The following ELSPBP1 variants were observed in gnomAD, a reference collection of about 807,000 sequenced individuals.
ELSPBP1 encodes epididymal sperm binding protein 1, also known as epididymal sperm-binding protein 1.
Under a neutral mutation model 33.3 loss-of-function variants are expected in ELSPBP1, and 38 were observed. That is an observed-to-expected ratio of 1.14 (90% confidence interval 0.88 to 1.50). ELSPBP1 has a LOEUF of 1.50. ELSPBP1 is among the 40% of genes most tolerant of loss of function. The probability of loss-of-function intolerance (pLI) is 0.00; values close to 1 mark genes in which losing one functional copy is unlikely to be tolerated. For missense variants in ELSPBP1, 267 were observed against 263.5 expected (o/e 1.01, Z -0.09); for synonymous variants, 85 against 94.1 (o/e 0.90, Z 0.56).
chr19:48,023,387 AGGAGGGAGGGAGGAAGTGAGGG>A (rs1967226434), intron 6 of ELSPBP1, among the ~76,000 whole-genome samples: 9 of 43,940 alleles, frequency 2.0e-4, no homozygotes, highest in Admixed American at 3.7e-4. Flanking sequence ...GAAAGGAGGG[AGGAGGGAGGGAGGAAGTGAGGG>A]AGGAGGGAGG....
chr19:48,007,496 T>C (rs1336716515), intron 1 of ELSPBP1, among the ~76,000 whole-genome samples: 2 of 152,140 alleles, frequency 1.3e-5, no homozygotes, highest in Non-Finnish European at 2.9e-5. Context: ...GAGCCAGCCG[T>C]AGAAGTGGTG....
intron 1 of ELSPBP1, among the ~76,000 whole-genome samples, chr19:47,999,866 A>C (rs1490888478): frequency 1.3e-5 from 2 of 150,868 alleles, no homozygotes; most frequent in East Asian, 3.9e-4. Context: ...TCTGTCATTC[A>C]GGCTGGAGTG....
At chr19:48,008,571 A>G in intron 1 of ELSPBP1, 80 bp from the exon 2 acceptor site, 2 of 924,940 alleles carry the variant, frequency 2.2e-6, no homozygotes, top group South Asian at 1.5e-5. Flanking sequence ...GAAAAATGGC[A>G]TGTATGACGT....
intron 2 of ELSPBP1, among the ~76,000 whole-genome samples, chr19:48,013,846 G>C (rs752383952): frequency 4.7e-4 from 72 of 152,276 alleles, no homozygotes; most frequent in Non-Finnish European, 9.1e-4. Flanking sequence ...AGCAGTTTCA[G>C]TTGCTGGTGA....
At chr19:48,001,087 C>T (rs1382990972) in intron 1 of ELSPBP1, among the ~76,000 whole-genome samples, 1 of 152,074 alleles carries the variant, frequency 6.6e-6, no homozygotes, top group Non-Finnish European at 1.5e-5. Context: ...CGCCTGCATT[C>T]TTTGGCTCGT....
At chr19:48,022,449 C>T (rs989344201) in intron 6 of ELSPBP1, 115 bp downstream of exon 6, 7 of 965,118 alleles carry the variant, frequency 7.3e-6, no homozygotes, top group African/African-American at 6.7e-5. Flanking sequence ...GTCTGATTAG[C>T]GTCGCTGATG....
intron 6 of ELSPBP1, 57 bp downstream of exon 6, chr19:48,022,391 C>T: frequency 6.8e-7 from 1 of 1,460,276 alleles, no homozygotes; most frequent in Non-Finnish European, 9.2e-7. Context: ...GACAGGTGCA[C>T]AACTGGTGTG....
Position 48,022,247 on chromosome 19 carries a change from A to G in ELSPBP1, c.592A>G (p.Asn198Asp). 6.2e-7 allele frequency: 1 copy of G among 1,613,996 alleles called. No homozygotes were observed. Among genetic ancestry groups the G allele is most frequent in the Non-Finnish European group, 8.5e-7 (1 of 1,179,914 alleles). ...YKNKNYFNCT[N>D]EGSKENLVWC... ...AAACAAGAATTATTTTAACTGCACTAACGAAGGATCAAAGGAGAACCTTGT... is the reference window on the plus strand; with the variant it reads ...AAACAAGAATTATTTTAACTGCACTGACGAAGGATCAAAGGAGAACCTTGT... The change falls in exon 6 of 7, where the codon AAC becomes GAC. Residue 198 changes from asparagine (N) to aspartate (D), a missense_variant. Asn to Asp is a conservative substitution (Grantham distance 23, BLOSUM62 1). Transcript: ENST00000339841.
In ELSPBP1 at chr19:48,019,173, C is replaced by T. The variant is rs570840239; in HGVS notation, c.356-546C>T. On this transcript the variant is annotated intron_variant, in intron 4 of 6. Transcript: ENST00000339841. ...CATCTAAAAAAATAAAAAATAACGT[C>T]TCGAAGTGGGGAGGGAAAACTCAGC... Among the ~76,000 whole-genome samples, 17 of 151,930 alleles carry T rather than the reference C, an allele frequency of 1.1e-4. No individual in the cohort carries two copies. In the East Asian group the frequency reaches 2.1e-3, roughly 19 times the overall value.
At chr19:48,021,825 C>T (rs897939063) in intron 5 of ELSPBP1, among the ~76,000 whole-genome samples, 3 of 152,096 alleles carry the variant, frequency 2.0e-5, no homozygotes, top group Non-Finnish European at 4.4e-5. Context: ...TGGCTCAATG[C>T]CGCCTCGACC....
At chr19:48,002,061 G>T (rs751566815) in intron 1 of ELSPBP1, among the ~76,000 whole-genome samples, 3 of 152,104 alleles carry the variant, frequency 2.0e-5, no homozygotes, top group Non-Finnish European at 4.4e-5. Flanking sequence ...GACGTGGACA[G>T]ATTTGTGTTG....
intron 1 of ELSPBP1, among the ~76,000 whole-genome samples, chr19:47,999,834 T>C (rs911710808): frequency 1.3e-5 from 2 of 151,964 alleles, no homozygotes; most frequent in African/African-American, 2.4e-5. Flanking sequence ...TTTTTTTTTT[T>C]TTTTAGGAAA....
At chr19:48,005,739 G>A (rs1406423549) in intron 1 of ELSPBP1, among the ~76,000 whole-genome samples, 1 of 152,140 alleles carries the variant, frequency 6.6e-6, no homozygotes, top group Non-Finnish European at 1.5e-5. Context: ...TCGTACATTG[G>A]TTAAGAGCTC....
At chr19:48,012,236 C>T (rs999412738) in intron 2 of ELSPBP1, among the ~76,000 whole-genome samples, 1 of 152,096 alleles carries the variant, frequency 6.6e-6, no homozygotes, top group Non-Finnish European at 1.5e-5. Flanking sequence ...AAGGGTCTTC[C>T]CCTCAGCCTC....
intron 1 of ELSPBP1, among the ~76,000 whole-genome samples, chr19:48,008,161 C>A (rs555455675): frequency 6.6e-6 from 1 of 152,236 alleles, no homozygotes; most frequent in Non-Finnish European, 1.5e-5. Context: ...CCTGTACATA[C>A]ACACATGTAG....
rs999102222 is a variant in ELSPBP1, at chr19:48,022,057, G to A, written c.515-113G>A. Reference sequence around the variant, plus strand: ...GATTAAATGCTGGGATTAAAGGCGCGAACCACCACACTCAGCCCCAATTTG... The same window carrying A: ...GATTAAATGCTGGGATTAAAGGCGCAAACCACCACACTCAGCCCCAATTTG... On this transcript the variant is annotated intron_variant, in intron 5 of 6. Transcript: ENST00000339841. The A allele has an allele frequency of 8.3e-6, 8 of 963,170 alleles. No individual in the cohort carries two copies. The South Asian group carries it at 1.1e-4, about 14-fold the overall frequency. The allele number at this position is 963,170 out of a possible 1,614,324, so 59.7% of individuals were successfully genotyped here.
intron 3 of ELSPBP1, among the ~76,000 whole-genome samples, chr19:48,015,336 C>G (rs1411309991): frequency 6.6e-6 from 1 of 151,926 alleles, no homozygotes; most frequent in Non-Finnish European, 1.5e-5. Context: ...GAGAGACAGA[C>G]ACATTCAACA....
At chr19:48,000,557 T>C (rs1346509150) in intron 1 of ELSPBP1, among the ~76,000 whole-genome samples, 1 of 152,158 alleles carries the variant, frequency 6.6e-6, no homozygotes, top group East Asian at 1.9e-4. Flanking sequence ...AGATTTCAGT[T>C]GTCTCATATA....
At chr19:48,008,896 A>C (rs908198655) in intron 2 of ELSPBP1, among the ~76,000 whole-genome samples, 159 bp downstream of exon 2, 1 of 152,108 alleles carries the variant, frequency 6.6e-6, no homozygotes, top group African/African-American at 2.4e-5. Flanking sequence ...AGCACTTTGC[A>C]GGGCTGAGGC....
Sources: allele counts gnomAD v4.1 joint callset (sites outside exome capture counted in the v4.1 genomes callset), GRCh38; gene constraint gnomAD v4.1.1; transcripts MANE v1.5; gene names NCBI Gene and HGNC (gene_info 2026-07-23, HGNC 2026-07-21).